HECW1: variants seen among roughly 807,000 people sequenced by gnomAD.
HECW1 encodes the protein HECT, C2 and WW domain containing E3 ubiquitin protein ligase 1, also known as E3 ubiquitin-protein ligase HECW1.
In HECW1, 61 loss-of-function variants were observed where a neutral mutation model predicts 182.3. That is an observed-to-expected ratio of 0.33 (90% CI 0.27 to 0.41). The LOEUF (loss-of-function observed/expected upper bound fraction) is 0.41. Ranked by LOEUF, HECW1 falls within the 10% of genes least tolerant of loss-of-function variation. The probability of loss-of-function intolerance (pLI) is 1.00; values close to 1 mark genes in which losing one functional copy is unlikely to be tolerated. For synonymous variants in HECW1, 859 were observed against 832.6 expected, an observed-to-expected ratio of 1.03 and a Z score of -0.55; for missense variants, 1,739 against 2,108.9, an observed-to-expected ratio of 0.82 and a Z score of 3.44.
chr7:43,161,975 G>A (rs919306236), intron 2 of HECW1, among the ~76,000 whole-genome samples: 1 of 152,202 alleles, frequency 6.6e-6, no homozygotes, highest in Non-Finnish European at 1.5e-5. Flanking sequence ...ACATGCAGAT[G>A]TGATGGTGGC....
intron 2 of HECW1, among the ~76,000 whole-genome samples, chr7:43,179,726 C>G (rs1295093649): frequency 6.6e-6 from 1 of 152,098 alleles, no homozygotes; most frequent in Non-Finnish European, 1.5e-5. Context: ...AATATGACTG[C>G]CTTAATTTAT....
intron 8 of HECW1, among the ~76,000 whole-genome samples, chr7:43,422,243 C>A (rs1269254272): frequency 6.6e-6 from 1 of 152,172 alleles, no homozygotes; most frequent in African/African-American, 2.4e-5. Context: ...CATTACCCTA[C>A]AATTACCCAA....
chr7:43,335,031 C>T (rs1458071029), intron 5 of HECW1, among the ~76,000 whole-genome samples: 1 of 152,108 alleles, frequency 6.6e-6, no homozygotes, highest in Non-Finnish European at 1.5e-5. Context: ...TTAAAACCTG[C>T]CTAACCCTTC....
chr7:43,186,824 C>A (rs1052760517), intron 2 of HECW1, among the ~76,000 whole-genome samples: 2 of 152,148 alleles, frequency 1.3e-5, no homozygotes, highest in South Asian at 4.1e-4. Context: ...AGCCTAGAAG[C>A]AATAGGTCAT....
chr7:43,261,144 G>A (rs752271566), intron 3 of HECW1, among the ~76,000 whole-genome samples: 8 of 152,192 alleles, frequency 5.3e-5, no homozygotes, highest in Non-Finnish European at 1.0e-4. Flanking sequence ...AGGATGAGTC[G>A]CAGGAGACTG....
chr7:43,401,603 C>T (rs2075417926), intron 7 of HECW1, among the ~76,000 whole-genome samples: 1 of 133,634 alleles, frequency 7.5e-6, no homozygotes, highest in African/African-American at 2.8e-5. Flanking sequence ...AATATAGCCA[C>T]AGTAGACATC....
chr7:43,406,739 G>A (rs930834664), intron 7 of HECW1, among the ~76,000 whole-genome samples: 9 of 152,034 alleles, frequency 5.9e-5, no homozygotes, highest in African/African-American at 2.2e-4. Flanking sequence ...CCAACACAGC[G>A]AAAATCTGTC....
At chr7:43,440,417 C>G (rs1326498129) in intron 9 of HECW1, 1 of 152,332 alleles carries the variant, frequency 6.6e-6, no homozygotes, top group Non-Finnish European at 1.5e-5. Context: ...CTCTAACCAT[C>G]TCACCTTCGC....
chr7:43,382,034 C>G (rs2074573729), intron 6 of HECW1, among the ~76,000 whole-genome samples: 1 of 152,002 alleles, frequency 6.6e-6, no homozygotes, highest in African/African-American at 2.4e-5. Flanking sequence ...GCCTGTAGTC[C>G]CAGCACTTTG....
intron 2 of HECW1, among the ~76,000 whole-genome samples, chr7:43,146,962 C>T (rs2152639482): frequency 6.6e-6 from 1 of 152,296 alleles, no homozygotes; most frequent in South Asian, 2.1e-4. Context: ...TTTGGGGGTG[C>T]CATATTGCTT....
At chr7:43,556,963 T>C (rs1286090642) in intron 29 of HECW1, among the ~76,000 whole-genome samples, 1 of 152,002 alleles carries the variant, frequency 6.6e-6, no homozygotes, top group Non-Finnish European at 1.5e-5. Context: ...AGATGGTTTC[T>C]TGGGGAAGTA....
intron 13 of HECW1, among the ~76,000 whole-genome samples, chr7:43,457,909 C>T (rs1043665542): frequency 6.6e-6 from 1 of 152,134 alleles, no homozygotes; most frequent in African/African-American, 2.4e-5. Flanking sequence ...GTTTGGAAGA[C>T]ATTTGCTTTC....
chr7:43,562,756 A>T lies in HECW1; in HGVS notation c.*830A>T. On this transcript the variant is annotated 3_prime_UTR_variant, in exon 30 of 30. Coordinates refer to ENST00000395891, the MANE Select transcript of HECW1 (RefSeq NM_015052.5). ...AAAGCTTCTTGATTGAGGTAGCATG[A>T]AGGATGAGGCTTCAGCCCCCATTGT... 4.6e-6 allele frequency: 1 copy of T among 218,188 alleles called. No homozygotes were observed. Among genetic ancestry groups the T allele is most frequent in the East Asian group, 6.8e-5 (1 of 14,808 alleles). The allele number at this position is 218,188 out of a possible 1,614,324, so 13.5% of individuals were successfully genotyped here.
intron 7 of HECW1, among the ~76,000 whole-genome samples, 188 bp from the exon 8 acceptor site, chr7:43,407,374 C>T (rs543274173): frequency 6.6e-6 from 1 of 152,174 alleles, no homozygotes; most frequent in Non-Finnish European, 1.5e-5. Flanking sequence ...TGGACTTTCT[C>T]TCCCTGTGCT....
At chr7:43,212,731 A>C (rs181196834) in intron 2 of HECW1, among the ~76,000 whole-genome samples, 7 of 152,366 alleles carry the variant, frequency 4.6e-5, no homozygotes, top group African/African-American at 1.7e-4. Flanking sequence ...GGAATGTCTA[A>C]GTACTCTAAC....
intron 16 of HECW1, among the ~76,000 whole-genome samples, chr7:43,478,956 T>G (rs1349807657): frequency 1.3e-5 from 2 of 152,190 alleles, no homozygotes; most frequent in Admixed American, 6.5e-5. Flanking sequence ...TACTGCTTCA[T>G]TCAGCTACTG....
intron 2 of HECW1, among the ~76,000 whole-genome samples, chr7:43,199,678 A>G (rs1289255906): frequency 6.6e-6 from 1 of 152,192 alleles, no homozygotes; most frequent in South Asian, 2.1e-4. Flanking sequence ...TACAGTTGTG[A>G]TTCATACACA....
intron 24 of HECW1, among the ~76,000 whole-genome samples, chr7:43,528,154 T>C (rs2080834301): frequency 6.6e-6 from 1 of 152,214 alleles, no homozygotes; most frequent in African/African-American, 2.4e-5. Context: ...TTTTGCGACT[T>C]GTAGACATAA....
chr7:43,202,349 A>G (rs1363029053), intron 2 of HECW1, among the ~76,000 whole-genome samples: 2 of 152,352 alleles, frequency 1.3e-5, no homozygotes, highest in South Asian at 2.1e-4. Flanking sequence ...CACTAAAAAC[A>G]TGACATCAAT....
Sources: allele counts gnomAD v4.1 joint callset (sites outside exome capture counted in the v4.1 genomes callset), GRCh38; gene constraint gnomAD v4.1.1; transcripts MANE v1.5; gene names NCBI Gene and HGNC (gene_info 2026-07-23, HGNC 2026-07-21).